The following GLIS3 variants were observed in gnomAD, a reference collection of about 807,000 sequenced individuals.
The protein encoded by GLIS3 is GLIS family zinc finger 3.
Under a neutral mutation model 78.6 loss-of-function variants are expected in GLIS3, and 53 were observed. That is an observed-to-expected ratio of 0.67 (90% CI 0.54 to 0.85). The LOEUF is 0.85. Among genes scored for constraint, GLIS3 ranks in the 40% least tolerant of loss-of-function variants. The probability of loss-of-function intolerance (pLI) is 0.00; values close to 1 mark genes in which losing one functional copy is unlikely to be tolerated. For synonymous variants in GLIS3, 684 were observed against 509.9 expected (o/e 1.34, Z -4.60); for missense variants, 1,703 against 1,231.1 (o/e 1.38, Z -5.74).
At chr9:3,944,043 G>A (rs1024275263) in intron 4 of GLIS3, among the ~76,000 whole-genome samples, 20 of 152,170 alleles carry the variant, frequency 1.3e-4, no homozygotes, top group African/African-American at 4.8e-4. Flanking sequence ...AAGGGTTACT[G>A]AAATGGACAG....
At chr9:4,121,499 A>T (rs1343124132) in intron 3 of GLIS3, among the ~76,000 whole-genome samples, 2 of 152,210 alleles carry the variant, frequency 1.3e-5, no homozygotes, top group Non-Finnish European at 2.9e-5. Flanking sequence ...TATGGCACTC[A>T]CAAAGCATTT....
chr9:4,198,027 C>G (rs1007100405), intron 2 of GLIS3, among the ~76,000 whole-genome samples: 33 of 152,088 alleles, frequency 2.2e-4, no homozygotes, highest in Non-Finnish European at 4.0e-4. Context: ...AAATTAATTA[C>G]AAAAATTAGA....
intron 4 of GLIS3, among the ~76,000 whole-genome samples, chr9:4,038,987 G>T (rs925751054): frequency 6.6e-6 from 1 of 152,082 alleles, no homozygotes; most frequent in Non-Finnish European, 1.5e-5. Flanking sequence ...TGAACCGTTG[G>T]GTAAAGCTGA....
At chr9:4,027,637 A>T (rs1022922396) in intron 4 of GLIS3, among the ~76,000 whole-genome samples, 2 of 152,138 alleles carry the variant, frequency 1.3e-5, no homozygotes. Flanking sequence ...CATAAATAAC[A>T]TGTACTGTGC....
At chr9:3,945,828 CA>C (rs201108615) in intron 4 of GLIS3, among the ~76,000 whole-genome samples, 1 of 151,170 alleles carries the variant, frequency 6.6e-6, no homozygotes, top group African/African-American at 2.4e-5. Context: ...AGTAGAAAAA[CA>C]AAAAAAACAG....
At chr9:4,284,306 T>C (rs1827798657) in intron 2 of GLIS3, among the ~76,000 whole-genome samples, 1 of 152,202 alleles carries the variant, frequency 6.6e-6, no homozygotes, top group South Asian at 2.1e-4. Context: ...AAGTTATTAA[T>C]ATTATCACCA....
intron 4 of GLIS3, chr9:4,071,831 T>A (rs543855700): frequency 4.6e-5 from 7 of 152,202 alleles, no homozygotes; most frequent in Non-Finnish European, 1.0e-4. Flanking sequence ...AGCATTTTCC[T>A]AATATATCAT....
intron 2 of GLIS3, among the ~76,000 whole-genome samples, chr9:4,342,521 G>C (rs1010692295): frequency 1.3e-5 from 2 of 152,174 alleles, no homozygotes; most frequent in African/African-American, 4.8e-5. Flanking sequence ...TGGGTAACGT[G>C]ATCTCTCCAG....
intron 2 of GLIS3, among the ~76,000 whole-genome samples, chr9:4,271,142 T>A (rs995315121): frequency 2.6e-5 from 4 of 152,248 alleles, no homozygotes; most frequent in African/African-American, 9.6e-5. Context: ...ATTTTTCTTA[T>A]TAATAATAAT....
At chr9:4,436,933 A>C in the GLIS3 span, among the ~76,000 whole-genome samples, 1,518 of 152,274 alleles carry the variant, frequency 1.0e-2, 11 homozygotes, top group Non-Finnish European at 0.016. Flanking sequence ...ACAGGAACTA[A>C]AGAGGAAGAA....
At position 3,825,576 on chromosome 9, in the gene GLIS3, G is replaced by C. The variant is rs1330818733; in HGVS notation, c.*2696C>G. 2 of 152,088 alleles carry C rather than the reference G, an allele frequency of 1.3e-5. No homozygotes were observed. Among genetic ancestry groups the C allele is most frequent in the Admixed American group, 1.3e-4 (2 of 15,262 alleles). 9.4% of individuals were successfully genotyped at this position (152,088 alleles called of 1,614,324 possible). A position where few individuals can be genotyped will look rare whatever the true frequency, so the allele number is the denominator to read the frequency against. On this transcript the variant is annotated 3_prime_UTR_variant, in exon 11 of 11. Coordinates refer to ENST00000381971, the MANE Select transcript of GLIS3 (RefSeq NM_001042413.2). Reference sequence around the variant, plus strand: ...ATGGTTACATATCAAGACTTAAAAAGACCAGGACATGAAAGGGAATGATTT... The same window carrying C: ...ATGGTTACATATCAAGACTTAAAAACACCAGGACATGAAAGGGAATGATTT...
chr9:4,468,832 A>G, the GLIS3 span, among the ~76,000 whole-genome samples: 3 of 152,316 alleles, frequency 2.0e-5, no homozygotes, highest in East Asian at 5.8e-4. Flanking sequence ...ATTAAAAGAC[A>G]CAGACTGGCA....
chr9:4,390,275 C>T, the GLIS3 span, among the ~76,000 whole-genome samples: 1 of 152,180 alleles, frequency 6.6e-6, no homozygotes, highest in East Asian at 1.9e-4. Context: ...GCATAGGGTG[C>T]AATACTTTGC....
chr9:3,845,015 C>T (rs768024844), intron 9 of GLIS3, among the ~76,000 whole-genome samples: 1 of 151,960 alleles, frequency 6.6e-6, no homozygotes, highest in Non-Finnish European at 1.5e-5. Flanking sequence ...ACTCAGTAAT[C>T]CAGCATTTTC....
At chr9:3,949,276 C>G (rs117641908) in intron 4 of GLIS3, among the ~76,000 whole-genome samples, 1 of 152,192 alleles carries the variant, frequency 6.6e-6, no homozygotes, top group East Asian at 1.9e-4. Flanking sequence ...CTGAGCACAG[C>G]GTTAAACCAT....
In GLIS3 at chr9:3,827,975, G is replaced by T; in HGVS notation, c.*297C>A. ...ACATCATTTCACTGGGGTCCTTTAA[G>T]GGTTGACAGCCAGGAAGTAACAGGT... On this transcript the variant is annotated 3_prime_UTR_variant, in exon 11 of 11. Transcript: ENST00000381971. The T allele has an allele frequency of 2.3e-6, 1 of 440,396 alleles. No individual in the cohort carries two copies. The highest frequency in any genetic ancestry group is 4.2e-6 in the Non-Finnish European group (1 of 236,676). The allele number at this position is 440,396 out of a possible 1,614,324, so 27.3% of individuals were successfully genotyped here. A position where few individuals can be genotyped will look rare whatever the true frequency, so the allele number is the denominator to read the frequency against.
At chr9:4,120,264 AC>A (rs1241254671) in intron 3 of GLIS3, among the ~76,000 whole-genome samples, 2 of 152,206 alleles carry the variant, frequency 1.3e-5, no homozygotes, top group Admixed American at 1.3e-4. Flanking sequence ...AGCAAGAAAA[AC>A]ATCTCAGCTC....
rs878981223 is a variant in GLIS3 at position 3,825,742 on chromosome 9, G to C, written c.*2530C>G. 6.6e-6 allele frequency: 1 copy of C among 152,172 alleles called. No individual in the cohort carries two copies. The highest frequency in any genetic ancestry group is 6.5e-5 in the Admixed American group (1 of 15,280). 9.4% of individuals were successfully genotyped at this position (152,172 alleles called of 1,614,324 possible). On this transcript the variant is annotated 3_prime_UTR_variant, in exon 11 of 11. Transcript: ENST00000381971. ...TAAGCATAGTGTGTGTAGTCTGGAA[G>C]GCATCTGAACGTGTCCTATCCTGAG...
chr9:4,459,481 C>T, the GLIS3 span, among the ~76,000 whole-genome samples: 3 of 152,214 alleles, frequency 2.0e-5, no homozygotes, highest in African/African-American at 7.2e-5. Context: ...GCAGAAGAGG[C>T]AGCCAAGAGC....
Sources: gnomAD v4.1 joint callset for allele counts (sites outside exome capture counted in the v4.1 genomes callset) on GRCh38, gnomAD v4.1.1 for gene constraint, MANE v1.5 for transcripts, NCBI Gene and HGNC (gene_info 2026-07-23, HGNC 2026-07-21) for gene names.